Variants in CTNNA2 observed in about 807,000 individuals in gnomAD.
CTNNA2 encodes the protein catenin alpha 2, also known as catenin alpha-2.
A neutral mutation model predicts 101.0 loss-of-function variants in CTNNA2; 42 were observed. That is an observed-to-expected ratio of 0.42 (90% CI 0.32 to 0.54). CTNNA2 has a LOEUF of 0.54. CTNNA2 is among the 20% of genes least tolerant of loss of function. The pLI, the probability that CTNNA2 is intolerant of heterozygous loss-of-function variation, is 0.14. For synonymous variants in CTNNA2, 450 were observed against 456.4 expected (o/e 0.99, Z 0.18); for missense variants, 871 against 1,223.1 (o/e 0.71, Z 4.29).
chr2:79,950,141 G>GAA (rs11305062), intron 7 of CTNNA2, among the ~76,000 whole-genome samples: 29 of 144,450 alleles, frequency 2.0e-4, no homozygotes, highest in African/African-American at 7.1e-4. Context: ...CAGATTTTGT[G>GAA]AAAAAAAAAA....
chr2:79,345,146 AC>A (rs1215161307), intron 3 of CTNNA2, among the ~76,000 whole-genome samples: 2 of 151,590 alleles, frequency 1.3e-5, no homozygotes, highest in Non-Finnish European at 2.9e-5. Context: ...AACAAATAAA[AC>A]ATTATAGTAT....
chr2:79,442,761 G>C (rs1055788370), intron 4 of CTNNA2, among the ~76,000 whole-genome samples: 1 of 152,110 alleles, frequency 6.6e-6, no homozygotes, highest in African/African-American at 2.4e-5. Context: ...GACAACAAAT[G>C]TACTGGGACC....
At chr2:79,834,624 G>T (rs1679175198) in intron 3 of CTNNA2, among the ~76,000 whole-genome samples, 1 of 86,594 alleles carries the variant, frequency 1.2e-5, no homozygotes, top group Non-Finnish European at 2.3e-5. Context: ...TTCAAACTTT[G>T]TATTTTATGT....
chr2:80,259,093 T>C (rs527239795), intron 7 of CTNNA2, among the ~76,000 whole-genome samples: 8 of 152,236 alleles, frequency 5.3e-5, no homozygotes, highest in Non-Finnish European at 8.8e-5. Context: ...CCAGGAGTGA[T>C]TGACTCATGG....
intron 7 of CTNNA2, among the ~76,000 whole-genome samples, chr2:80,077,243 C>A (rs539655181): frequency 1.5e-3 from 232 of 152,120 alleles, no homozygotes; most frequent in Non-Finnish European, 2.7e-3. Context: ...TAGTACCCAA[C>A]AATAACACTT....
At chr2:80,240,638 TTCTC>T (rs1210383462) in intron 7 of CTNNA2, among the ~76,000 whole-genome samples, 1 of 152,152 alleles carries the variant, frequency 6.6e-6, no homozygotes. Context: ...GGGAAAAAAA[TTCTC>T]TCTGTTACAT....
intron 3 of CTNNA2, among the ~76,000 whole-genome samples, chr2:79,806,149 G>C (rs1213147953): frequency 6.6e-6 from 1 of 151,870 alleles, no homozygotes; most frequent in Non-Finnish European, 1.5e-5. Context: ...TGTTGCAGTA[G>C]TTAACTCTAA....
intron 3 of CTNNA2, among the ~76,000 whole-genome samples, chr2:79,371,649 T>C (rs1355940464): frequency 6.6e-6 from 1 of 152,050 alleles, no homozygotes; most frequent in Non-Finnish European, 1.5e-5. Context: ...AGGAACATGG[T>C]TAAAAATTCT....
intron 18 of CTNNA2, among the ~76,000 whole-genome samples, chr2:80,624,389 GTTGT>G (rs1252248561): frequency 1.2e-4 from 18 of 151,974 alleles, no homozygotes; most frequent in East Asian, 9.7e-4. Flanking sequence ...TAAATTCTTT[GTTGT>G]TTGTTTTTCT....
intron 4 of CTNNA2, among the ~76,000 whole-genome samples, chr2:79,865,643 C>A (rs1429105075): frequency 6.6e-6 from 1 of 152,212 alleles, no homozygotes; most frequent in Non-Finnish European, 1.5e-5. Flanking sequence ...ACTATCCCAT[C>A]CCCAGATGCC....
At chr2:79,857,476 T>G (rs184434835) in intron 3 of CTNNA2, among the ~76,000 whole-genome samples, 169 of 152,324 alleles carry the variant, frequency 1.1e-3, no homozygotes, top group East Asian at 1.5e-3. Flanking sequence ...TCTAAATGTT[T>G]TCTATATTGG....
intron 6 of CTNNA2, among the ~76,000 whole-genome samples, chr2:79,890,830 C>G (rs1411838652): frequency 1.4e-5 from 2 of 140,028 alleles, no homozygotes; most frequent in Admixed American, 1.6e-4. Flanking sequence ...TAGGTGTTGA[C>G]AGACTCAGTT....
At chr2:79,213,851 A>G (rs1294996911) in intron 2 of CTNNA2, among the ~76,000 whole-genome samples, 1 of 152,208 alleles carries the variant, frequency 6.6e-6, no homozygotes, top group Non-Finnish European at 1.5e-5. Flanking sequence ...TTTGGAAGTT[A>G]TGAGAACTGT....
chr2:80,581,363 G>A (rs1045219049), intron 13 of CTNNA2, among the ~76,000 whole-genome samples: 7 of 152,132 alleles, frequency 4.6e-5, no homozygotes, highest in Non-Finnish European at 2.9e-5. Flanking sequence ...AGAAGTATAG[G>A]TGTAAATTTT....
intron 2 of CTNNA2, among the ~76,000 whole-genome samples, chr2:79,737,217 C>T (rs533044667): frequency 3.3e-5 from 5 of 151,964 alleles, no homozygotes; most frequent in East Asian, 1.9e-4. Flanking sequence ...GGCTTGGTGG[C>T]GGGTGCCTGT....
chr2:79,815,337 T>C (rs1366042158), intron 3 of CTNNA2, among the ~76,000 whole-genome samples: 2 of 152,210 alleles, frequency 1.3e-5, no homozygotes, highest in Admixed American at 1.3e-4. Context: ...GATAATGAAA[T>C]CCTTGCCTAA....
chr2:79,339,471 C>T (rs1031618602), intron 3 of CTNNA2: 11 of 152,140 alleles, frequency 7.2e-5, no homozygotes, highest in African/African-American at 2.7e-4. Context: ...CACATCCAGC[C>T]AAAAGTCAAA....
intron 4 of CTNNA2, among the ~76,000 whole-genome samples, chr2:79,400,244 T>C (rs1678275354): frequency 6.6e-6 from 1 of 152,024 alleles, no homozygotes; most frequent in Non-Finnish European, 1.5e-5. Context: ...TGAGTTCTGA[T>C]TGTCCTTTGT....
At chr2:79,742,451 C>G (rs13403932) in intron 2 of CTNNA2, among the ~76,000 whole-genome samples, 5,675 of 152,176 alleles carry the variant, frequency 0.037, 311 homozygotes, top group African/African-American at 0.12. Context: ...TAAAAGGAGC[C>G]TGGCCTAAAT....
Sources: gnomAD v4.1 joint callset for allele counts (sites outside exome capture counted in the v4.1 genomes callset) on GRCh38, gnomAD v4.1.1 for gene constraint, MANE v1.5 for transcripts, NCBI Gene and HGNC (gene_info 2026-07-23, HGNC 2026-07-21) for gene names.